Variants in SNX27 observed in about 807,000 individuals in gnomAD.
SNX27 encodes sorting nexin-27.
A neutral mutation model predicts 71.6 loss-of-function variants in SNX27; 22 were observed. The observed-to-expected ratio is 0.31, with a 90% CI of 0.22 to 0.44. SNX27 has a LOEUF of 0.44. Among genes scored for constraint, SNX27 ranks in the 20% least tolerant of loss-of-function variants. The probability of loss-of-function intolerance (pLI) is 1.00; values close to 1 mark genes in which losing one functional copy is unlikely to be tolerated. For missense variants in SNX27, 531 were observed against 698.6 expected, an observed-to-expected ratio of 0.76 and a Z score of 2.70; for synonymous variants, 269 against 277.2, an observed-to-expected ratio of 0.97 and a Z score of 0.29.
At chr1:151,649,736 C>T (rs926813193) in intron 2 of SNX27, among the ~76,000 whole-genome samples, 2 of 152,064 alleles carry the variant, frequency 1.3e-5, no homozygotes, top group African/African-American at 2.4e-5. Flanking sequence ...GACAGGGTCT[C>T]ACTCAGTCAT....
chr1:151,614,303 T>G (rs1280239357), intron 1 of SNX27: 2 of 152,240 alleles, frequency 1.3e-5, no homozygotes, highest in African/African-American at 2.4e-5. Flanking sequence ...TTTCCTAGTA[T>G]TCCTAGTATT....
intron 2 of SNX27, among the ~76,000 whole-genome samples, chr1:151,652,366 A>G (rs1236093792): frequency 1.3e-5 from 2 of 148,504 alleles, no homozygotes; most frequent in African/African-American, 4.9e-5. Context: ...TCTGCTGATG[A>G]GACTGTTAGA....
At chr1:151,620,373 A>T (rs1210117985) in intron 1 of SNX27, among the ~76,000 whole-genome samples, 1 of 152,220 alleles carries the variant, frequency 6.6e-6, no homozygotes, top group African/African-American at 2.4e-5. Context: ...GAGGAAAATC[A>T]CTATTAGAAT....
intron 7 of SNX27, chr1:151,675,996 T>A (rs1670679516): frequency 6.7e-6 from 1 of 150,264 alleles, no homozygotes; most frequent in South Asian, 2.1e-4. Flanking sequence ...CCAGCTAATT[T>A]TTACTTTTTT....
chr1:151,672,346 C>A (rs1670483801), intron 7 of SNX27, among the ~76,000 whole-genome samples: 1 of 152,066 alleles, frequency 6.6e-6, no homozygotes. Flanking sequence ...AAGGATATAT[C>A]CTACTTGCTC....
At chr1:151,621,238 A>C (rs1422930639) in intron 1 of SNX27, among the ~76,000 whole-genome samples, 1 of 152,180 alleles carries the variant, frequency 6.6e-6, no homozygotes, top group Non-Finnish European at 1.5e-5. Flanking sequence ...GTATTAGTCA[A>C]ATGCTAGGTA....
chr1:151,663,369 C>G (rs955104265), intron 5 of SNX27, among the ~76,000 whole-genome samples: 1 of 152,068 alleles, frequency 6.6e-6, no homozygotes, highest in African/African-American at 2.4e-5. Context: ...CCAGGATGGT[C>G]TGAATCTCCT....
intron 1 of SNX27, among the ~76,000 whole-genome samples, chr1:151,622,876 C>A (rs1667737298): frequency 1.3e-5 from 2 of 152,156 alleles, no homozygotes; most frequent in Admixed American, 1.3e-4. Flanking sequence ...GAAGCCACAA[C>A]CTCCTGGACT....
chr1:151,615,427 A>C (rs1440373745), intron 1 of SNX27, among the ~76,000 whole-genome samples: 1 of 152,018 alleles, frequency 6.6e-6, no homozygotes, highest in Admixed American at 6.6e-5. Flanking sequence ...AGGGGAAATC[A>C]GCAACCAAAT....
At chr1:151,627,190 T>TG (rs937106058) in intron 1 of SNX27, among the ~76,000 whole-genome samples, 7 of 152,240 alleles carry the variant, frequency 4.6e-5, no homozygotes, top group Non-Finnish European at 7.3e-5. Flanking sequence ...CATTACCACA[T>TG]GGATTATTCT....
chr1:151,694,448 C>T lies in SNX27; in HGVS notation c.*31C>T. Reference sequence around the variant, plus strand: ...CCTTATCCCCTTCCCTTCCCTTCACCCCCATCCTCTTACTCCTTTCATGTC... The same window carrying T: ...CCTTATCCCCTTCCCTTCCCTTCACTCCCATCCTCTTACTCCTTTCATGTC... On this transcript the variant is annotated 3_prime_UTR_variant, in exon 12 of 12. Transcript: ENST00000458013. 6.5e-7 allele frequency: 1 copy of T among 1,543,944 alleles called. No homozygotes were observed. The highest frequency in any genetic ancestry group is 1.2e-5 in the South Asian group (1 of 83,640).
chr1:151,683,549 A>C (rs1671062718), intron 8 of SNX27, 104 bp downstream of exon 8: 1 of 765,208 alleles, frequency 1.3e-6, no homozygotes, highest in East Asian at 2.9e-5. Flanking sequence ...TAGTGGCTTA[A>C]CTAATTTTAA....
chr1:151,691,016 C>G (rs184065676), intron 8 of SNX27, among the ~76,000 whole-genome samples: 41 of 152,242 alleles, frequency 2.7e-4, no homozygotes, highest in African/African-American at 9.9e-4. Flanking sequence ...TACCACCCAC[C>G]CCTGTCATAT....
At chr1:151,643,777 C>T (rs1395737057) in intron 2 of SNX27, among the ~76,000 whole-genome samples, 2 of 152,152 alleles carry the variant, frequency 1.3e-5, no homozygotes, top group African/African-American at 2.4e-5. Flanking sequence ...TCTCCTGCCT[C>T]AGCCTCCCGA....
At chr1:151,619,674 G>C (rs151073847) in intron 1 of SNX27, among the ~76,000 whole-genome samples, 1 of 152,190 alleles carries the variant, frequency 6.6e-6, no homozygotes, top group African/African-American at 2.4e-5. Flanking sequence ...GTGGTGGCCT[G>C]GTACATTAAT....
intron 2 of SNX27, among the ~76,000 whole-genome samples, chr1:151,640,947 A>T (rs1294150311): frequency 6.6e-6 from 1 of 152,202 alleles, no homozygotes; most frequent in Non-Finnish European, 1.5e-5. Flanking sequence ...AATAAGTAGA[A>T]TCATACCATT....
At chr1:151,654,834 G>T (rs142332823) in intron 2 of SNX27, among the ~76,000 whole-genome samples, 1 of 152,214 alleles carries the variant, frequency 6.6e-6, no homozygotes, top group Non-Finnish European at 1.5e-5. Flanking sequence ...CATTAATCAC[G>T]AGAGTTTTGC....
chr1:151,694,079 AT>A (rs1671589242), intron 11 of SNX27: 1 of 1,240,716 alleles, frequency 8.1e-7, no homozygotes, highest in Non-Finnish European at 1.0e-6. Flanking sequence ...TGGGAATTTT[AT>A]CTGGGTTTTC....
rs12562148 is a variant in SNX27, at chr1:151,612,132, G to C, written c.-70G>C. 430 of 1,272,860 alleles carry C rather than the reference G, an allele frequency of 3.4e-4. 2 individuals are homozygous for C. In the East Asian group the frequency reaches 9.1e-3, roughly 27 times the overall value. 78.8% of individuals were successfully genotyped at this position (1,272,860 alleles called of 1,614,324 possible). ...CGCGTCGGGGGTCGTCCGGCTGCCA[G>C]GCAGGGCGAGCACGCGCCGGGAGGC... On this transcript the variant is annotated 5_prime_UTR_variant, in exon 1 of 12. Coordinates refer to ENST00000458013, the MANE Select transcript of SNX27 (RefSeq NM_001330723.2). This position sits in a 1 kb window ranked among gnomAD's most constrained non-coding sequence, Gnocchi z 5.2.
Sources: allele counts gnomAD v4.1 joint callset (sites outside exome capture counted in the v4.1 genomes callset), GRCh38; gene constraint gnomAD v4.1.1; non-coding constraint Gnocchi (gnomAD v3.1); transcripts MANE v1.5; gene names NCBI Gene and HGNC (gene_info 2026-07-23, HGNC 2026-07-21).